The following MIGA2 variants were observed in gnomAD, a reference collection of about 807,000 sequenced individuals.
MIGA2 encodes mitoguardin 2.
MIGA2 carries 36 observed loss-of-function variants against 69.9 expected under a neutral mutation model. The ratio of observed to expected loss-of-function variants is 0.52; its 90% CI spans 0.39 to 0.68. MIGA2 has a LOEUF of 0.68. Ranked by LOEUF, MIGA2 falls within the 30% of genes least tolerant of loss-of-function variation. MIGA2 has a pLI of 0.00. For missense variants in MIGA2, 660 were observed against 787.7 expected, an observed-to-expected ratio of 0.84 and a Z score of 1.94; for synonymous variants, 333 against 349.2, an observed-to-expected ratio of 0.95 and a Z score of 0.52.
intron 11 of MIGA2, among the ~76,000 whole-genome samples, chr9:129,066,561 C>A (rs1846355282): frequency 6.7e-6 from 1 of 148,496 alleles, no homozygotes; most frequent in South Asian, 2.1e-4. Flanking sequence ...GTAGTCCCAG[C>A]TACTCGGGAG....
At chr9:129,044,461 T>C (rs1564602279) in intron 3 of MIGA2, among the ~76,000 whole-genome samples, 1 of 152,198 alleles carries the variant, frequency 6.6e-6, no homozygotes. Flanking sequence ...TAAAAACTCT[T>C]ACGGCTCCTG....
Position 129,044,154 on chromosome 9 carries a change from C to T in MIGA2, c.307+1640C>T, listed in dbSNP as rs1031460448. Among the ~76,000 whole-genome samples, 14 of 151,400 alleles carry T rather than the reference C, an allele frequency of 9.2e-5. No homozygotes were observed. In the East Asian group the frequency reaches 1.2e-3, roughly 13 times the overall value. ...GATTACAGGTGCATGAAACCACGCC[C>T]GGCTAATTTTTGTATTTTGAGTAGA... On this transcript the variant is annotated intron_variant, in intron 3 of 15. Transcript: ENST00000684074.
chr9:129,051,276 A>ATT (rs199644907), intron 6 of MIGA2: 5 of 176,254 alleles, frequency 2.8e-5, no homozygotes, highest in African/African-American at 1.0e-4. Flanking sequence ...TTATTTATTT[A>ATT]TTTATTTATT....
chr9:129,060,768 T>A lies in MIGA2; in HGVS notation c.894+118T>A. ...AGGCATTTCCTCTGATGGGAGAATT[T>A]GGATGCTCCCACGGGCCTCCTCGAA... is the stretch of plus-strand genomic sequence containing the variant. On this transcript the variant is annotated intron_variant, in intron 8 of 15. Transcript: ENST00000684074. The surrounding 1 kb of genome is among the most constrained non-coding windows in gnomAD (Gnocchi z 4.8). The A allele has an allele frequency of 1.2e-6, 1 of 805,614 alleles. No individual in the cohort carries two copies. The highest frequency in any genetic ancestry group is 1.8e-5 in the African/African-American group (1 of 56,944). 49.9% of individuals were successfully genotyped at this position (805,614 alleles called of 1,614,324 possible).
In MIGA2 at chr9:129,040,518, CA is replaced by C. The variant is rs1844840091; in HGVS notation, c.-76del. 1 of 1,521,710 alleles carries C rather than the reference CA, an allele frequency of 6.6e-7. No homozygotes were observed. The highest frequency in any genetic ancestry group is 2.4e-5 in the East Asian group (1 of 42,398). The allele number at this position is 1,521,710 out of a possible 1,614,324, so 94.3% of individuals were successfully genotyped here. On this transcript the variant is annotated 5_prime_UTR_variant, in exon 2 of 16. The change abolishes the stop of an existing upstream ORF in the 5' untranslated region. Transcript: ENST00000684074. ...TGGGGCGTGGATGGTGCCTGGGACCCAGCTGGCAACCAGTTGAAGACGTTCT... is the reference window on the plus strand; with the variant it reads ...TGGGGCGTGGATGGTGCCTGGGACCCGCTGGCAACCAGTTGAAGACGTTCT...
intron 11 of MIGA2, among the ~76,000 whole-genome samples, chr9:129,065,915 G>T (rs1418592861): frequency 6.6e-6 from 1 of 152,132 alleles, no homozygotes; most frequent in Admixed American, 6.6e-5. Flanking sequence ...GAGCTGCCTT[G>T]TCCTTCCTCC....
intron 11 of MIGA2, among the ~76,000 whole-genome samples, chr9:129,066,688 A>G (rs920134119): frequency 6.7e-6 from 1 of 148,206 alleles, no homozygotes; most frequent in Non-Finnish European, 1.5e-5. Context: ...GGCTGGGCGT[A>G]GTGGCTCATG....
intron 3 of MIGA2, among the ~76,000 whole-genome samples, chr9:129,045,168 G>A (rs537112295): frequency 1.4e-3 from 196 of 139,724 alleles, no homozygotes; most frequent in Middle Eastern, 4.0e-3. Flanking sequence ...AAAAAAAAAC[G>A]AAGCAAAAGT....
Position 129,040,612 on chromosome 9 carries a change from C to T in MIGA2, c.18C>T (p.Ala6=), listed in dbSNP as rs1022955967. The T allele has an allele frequency of 1.4e-5, 23 of 1,612,864 alleles. No individual in the cohort carries two copies. Among genetic ancestry groups the T allele is most frequent in the East Asian group, 1.1e-4 (5 of 44,818 alleles). Residue 6 remains alanine, a synonymous_variant, in exon 2 of 16, where the codon GCC becomes GCT. Coordinates refer to ENST00000684074, the MANE Select transcript of MIGA2 (RefSeq NM_001329990.2). Reference sequence around the variant, plus strand: ...GCCCTGCCATGGCGTTCCGGAGGGCCGAGGGCACGTCTATGATCCAGGCCC... The same window carrying T: ...GCCCTGCCATGGCGTTCCGGAGGGCTGAGGGCACGTCTATGATCCAGGCCC... MAFRR[A]EGTSMIQALA...
intron 6 of MIGA2, among the ~76,000 whole-genome samples, chr9:129,058,373 G>A (rs1015271617): frequency 6.6e-6 from 1 of 150,636 alleles, no homozygotes; most frequent in East Asian, 1.9e-4. Context: ...ACTGCACTGC[G>A]GGCTGGGTGA....
rs765869611 is a variant in MIGA2 at position 129,048,520 on chromosome 9, C to T, written c.401C>T (p.Ser134Phe). Reference protein sequence around the residue: ...SSIEPSKHSGSSHSVASMMAV... With the variant: ...SSIEPSKHSGFSHSVASMMAV... ...ATTGAGCCCAGCAAGCACTCGGGCTCCTCCCACAGTGTGGCCTCGGTGAGC... is the reference window on the plus strand; with the variant it reads ...ATTGAGCCCAGCAAGCACTCGGGCTTCTCCCACAGTGTGGCCTCGGTGAGC... The change falls in exon 4 of 16, where the codon TCC becomes TTC. Residue 134 changes from serine (S) to phenylalanine (F), a missense_variant. Physicochemically the swap from Ser to Phe is radical, Grantham distance 155 (BLOSUM62 -2). This residue lies in a region of MIGA2 where 386 missense variants were observed against 402.0 expected (regional missense o/e 0.96). Coordinates refer to ENST00000684074, the MANE Select transcript of MIGA2 (RefSeq NM_001329990.2). 10 of 1,613,984 alleles carry T rather than the reference C, an allele frequency of 6.2e-6. No individual in the cohort carries two copies. Among genetic ancestry groups the T allele is most frequent in the Admixed American group, 5.0e-5 (3 of 60,024 alleles).
chr9:129,063,688 C>A, intron 11 of MIGA2, 57 bp downstream of exon 11: 1 of 1,575,818 alleles, frequency 6.3e-7, no homozygotes, highest in South Asian at 1.1e-5. Context: ...AGAGGGTCCC[C>A]CTGAACCCCA....
chr9:129,061,676 A>G lies in MIGA2; in HGVS notation c.1010+330A>G, dbSNP rs765952854. ...AAAAAATTGGAATGATACAGAGAAGATGAACGTGGTCCCGGCATAAGGATA... is the reference window on the plus strand; with the variant it reads ...AAAAAATTGGAATGATACAGAGAAGGTGAACGTGGTCCCGGCATAAGGATA... On this transcript the variant is annotated intron_variant, in intron 9 of 15. Coordinates refer to ENST00000684074, the MANE Select transcript of MIGA2 (RefSeq NM_001329990.2). The surrounding 1 kb of genome is among the most constrained non-coding windows in gnomAD (Gnocchi z 5.0). Among the ~76,000 whole-genome samples, 2 of 152,382 alleles carry G rather than the reference A, an allele frequency of 1.3e-5. No homozygotes were observed. The highest frequency in any genetic ancestry group is 2.9e-5 in the Non-Finnish European group (2 of 68,036).
At chr9:129,037,908 C>G (rs1298299191) in intron 1 of MIGA2, among the ~76,000 whole-genome samples, 1 of 152,154 alleles carries the variant, frequency 6.6e-6, no homozygotes, top group Non-Finnish European at 1.5e-5. Flanking sequence ...TCAGAGCCTC[C>G]GCGTTTCCCC....
chr9:129,068,352 TCA>T lies in MIGA2; in HGVS notation c.1404+21_1404+22del. 6.3e-7 allele frequency: 1 copy of T among 1,599,282 alleles called. No individual in the cohort carries two copies. The highest frequency in any genetic ancestry group is 1.7e-5 in the Admixed American group (1 of 59,790). On this transcript the variant is annotated intron_variant, in intron 13 of 15. Coordinates refer to ENST00000684074, the MANE Select transcript of MIGA2 (RefSeq NM_001329990.2). The surrounding 1 kb of genome is among the most constrained non-coding windows in gnomAD (Gnocchi z 4.1). The stretch of plus-strand genomic sequence containing the variant: ...GAGACGGTGGGTCACTGCCCTGCTC[TCA>T]GACCCACACTTGCTCACATCAGCCC...
Position 129,060,725 on chromosome 9 carries a change from T to C in MIGA2, c.894+75T>C. ...CTCTGCAGGTCCATGGGGCCAGCAC[T>C]GGGTCATGGGAAAGTGGAGGCATTT... On this transcript the variant is annotated intron_variant, in intron 8 of 15. Coordinates refer to ENST00000684074, the MANE Select transcript of MIGA2 (RefSeq NM_001329990.2). The surrounding 1 kb of genome is among the most constrained non-coding windows in gnomAD (Gnocchi z 4.8). 8.2e-7 allele frequency: 1 copy of C among 1,221,300 alleles called. No individual in the cohort carries two copies. The highest frequency in any genetic ancestry group is 1.4e-5 in the South Asian group (1 of 71,522). The allele number at this position is 1,221,300 out of a possible 1,614,324, so 75.7% of individuals were successfully genotyped here. A position where few individuals can be genotyped will look rare whatever the true frequency, so the allele number is the denominator to read the frequency against.
Position 129,069,536 on chromosome 9 carries a change from G to A in MIGA2, c.1459-313G>A. 1 of 521,378 alleles carries A rather than the reference G, an allele frequency of 1.9e-6. No individual in the cohort carries two copies. The highest frequency in any genetic ancestry group is 3.3e-5 in the Admixed American group (1 of 30,618). The allele number at this position is 521,378 out of a possible 1,614,324, so 32.3% of individuals were successfully genotyped here. On this transcript the variant is annotated intron_variant, in intron 14 of 15. Transcript: ENST00000684074. This position sits in a 1 kb window ranked among gnomAD's most constrained non-coding sequence, Gnocchi z 4.9. Reference sequence around the variant, plus strand: ...CGACTGGCTGTGCTATCTGGCCTGTGGTTTGTCGTTCCCCTCTGCGGGCCA... The same window carrying A: ...CGACTGGCTGTGCTATCTGGCCTGTAGTTTGTCGTTCCCCTCTGCGGGCCA...
At position 129,046,765 on chromosome 9, in the gene MIGA2, A is replaced by G. The variant is rs892536650; in HGVS notation, c.308-1662A>G. The stretch of plus-strand genomic sequence containing the variant: ...CCGGCTTTCTTTGTTTTATTTTATT[A>G]TTATTTTTTAATTTTTATTTACTTT... On this transcript the variant is annotated intron_variant, in intron 3 of 15. Transcript: ENST00000684074. Among the ~76,000 whole-genome samples the G allele has an allele frequency of 7.3e-5, 11 of 150,054 alleles. 1 individual carries two copies. Among genetic ancestry groups the G allele is most frequent in the Admixed American group, 7.3e-4 (11 of 15,070 alleles).
chr9:129,042,490 A>G lies in MIGA2; in HGVS notation c.283A>G (p.Arg95Gly), dbSNP rs761135356. Residue 95 changes from arginine to glycine, a missense_variant, in exon 3 of 16, where the codon AGG (arginine) becomes GGG (glycine). Around this residue, in one of 3 missense-constraint regions of MIGA2, gnomAD observed 386 missense variants for 402.0 expected, o/e 0.96. Transcript: ENST00000684074. ...GGTGCCCCTCCCTATCCTCTTGGCC[A>G]GGAAGGTCCCTTCAGTGAAGAAAGG... The part of the protein sequence containing the change: ...GTVPLPILLA[R>G]KVPSVKKGYS... 38 of 1,586,394 alleles carry G rather than the reference A, an allele frequency of 2.4e-5. No individual in the cohort carries two copies. Among genetic ancestry groups the G allele is most frequent in the Non-Finnish European group, 3.2e-5 (37 of 1,167,150 alleles).
Sources: gnomAD v4.1 joint callset for allele counts (sites outside exome capture counted in the v4.1 genomes callset) on GRCh38, gnomAD v4.1.1 for gene constraint, gnomAD v4.1.1 regional missense constraint, Gnocchi (gnomAD v3.1) non-coding constraint, MANE v1.5 for transcripts, NCBI Gene and HGNC (gene_info 2026-07-23, HGNC 2026-07-21) for gene names.